Variants in ASH1L observed in about 807,000 individuals in gnomAD.
ASH1L encodes histone-lysine N-methyltransferase ASH1L.
Under a neutral mutation model 269.0 loss-of-function variants are expected in ASH1L, and 23 were observed. The ratio of observed to expected loss-of-function variants is 0.09; its 90% CI spans 0.06 to 0.12. The LOEUF is 0.12. Ranked by LOEUF, ASH1L falls within the 10% of genes least tolerant of loss-of-function variation. The pLI is 1.00. For synonymous variants in ASH1L, 1,187 were observed against 1,253.5 expected (o/e 0.95, Z 1.12); for missense variants, 2,912 against 3,567.8 (o/e 0.82, Z 4.68).
At chr1:155,488,443 A>G (rs1331425539) in intron 2 of ASH1L, among the ~76,000 whole-genome samples, 2 of 144,818 alleles carry the variant, frequency 1.4e-5, no homozygotes, top group African/African-American at 5.1e-5. Context: ...GCAGATCACG[A>G]GGTCAGGAGA....
At chr1:155,464,161 C>T (rs888491858) in intron 3 of ASH1L, among the ~76,000 whole-genome samples, 1 of 152,110 alleles carries the variant, frequency 6.6e-6, no homozygotes, top group African/African-American at 2.4e-5. Flanking sequence ...TTGCTCATGT[C>T]TCAAGAGTAG....
At chr1:155,404,676 A>C (rs905527270) in intron 6 of ASH1L, among the ~76,000 whole-genome samples, 1 of 151,748 alleles carries the variant, frequency 6.6e-6, no homozygotes, top group African/African-American at 2.4e-5. Context: ...AACTGGTGGG[A>C]AAAAAAAATC....
intron 17 of ASH1L, 128 bp downstream of exon 17, chr1:155,352,578 A>T: frequency 1.1e-6 from 1 of 937,140 alleles, no homozygotes; most frequent in Non-Finnish European, 1.5e-6. Context: ...GCCTAGACAG[A>T]AGGATCACTT....
chr1:155,338,527 C>G (rs908705428), intron 26 of ASH1L, 137 bp from the exon 27 acceptor site: 38 of 635,058 alleles, frequency 6.0e-5, no homozygotes, highest in Non-Finnish European at 9.2e-5. Context: ...ACTTGACTCT[C>G]GTTTTCACTT....
intron 3 of ASH1L, among the ~76,000 whole-genome samples, chr1:155,468,766 TA>T (rs1664878042): frequency 6.6e-6 from 1 of 152,132 alleles, no homozygotes; most frequent in Non-Finnish European, 1.5e-5. Context: ...CTTAAATTTA[TA>T]TATGGAAAAA....
intron 3 of ASH1L, among the ~76,000 whole-genome samples, chr1:155,474,779 C>T (rs1337755951): frequency 6.6e-6 from 1 of 152,172 alleles, no homozygotes; most frequent in Admixed American, 6.5e-5. Context: ...TGCATGTTAT[C>T]TCCAATCTCC....
At chr1:155,560,951 A>C (rs1200179193) in intron 1 of ASH1L, among the ~76,000 whole-genome samples, 3 of 151,858 alleles carry the variant, frequency 2.0e-5, no homozygotes, top group Admixed American at 6.6e-5. Flanking sequence ...AACCAGTCTT[A>C]TGTGCTCCTA....
At chr1:155,426,310 T>C (rs1661150373) in intron 5 of ASH1L, among the ~76,000 whole-genome samples, 1 of 151,936 alleles carries the variant, frequency 6.6e-6, no homozygotes. Context: ...GCTCAAGCAA[T>C]CCACCTGCCT....
rs1672036546 is a variant in ASH1L at position 155,562,221 on chromosome 1, G to C, written c.-168C>G. 1 of 1,609,330 alleles carries C rather than the reference G, an allele frequency of 6.2e-7. No homozygotes were observed. The highest frequency in any genetic ancestry group is 1.3e-5 in the African/African-American group (1 of 74,854). On this transcript the variant is annotated 5_prime_UTR_variant, in exon 1 of 28. Transcript: ENST00000392403. The stretch of plus-strand genomic sequence containing the variant: ...GGGAAGTGGGGAAGAGGGGGTGGCC[G>C]CCAGGCTCCTCCGCTTCCCTGGGTC...
chr1:155,555,182 ATTT>A (rs1421226408), intron 1 of ASH1L, among the ~76,000 whole-genome samples: 1 of 150,400 alleles, frequency 6.6e-6, no homozygotes, highest in Admixed American at 6.7e-5. Context: ...ACCTACAGTT[ATTT>A]GACTTTCTTC....
chr1:155,386,000 G>C (rs1657396138), intron 7 of ASH1L, among the ~76,000 whole-genome samples: 1 of 152,128 alleles, frequency 6.6e-6, no homozygotes, highest in African/African-American at 2.4e-5. Flanking sequence ...CATGGCAGTG[G>C]AGGGAGAGAC....
chr1:155,479,109 C>T lies in ASH1L; in HGVS notation c.3761G>A (p.Arg1254His), dbSNP rs377320289. The change falls in exon 3 of 28, where the codon CGC becomes CAC. Residue 1254 changes from arginine to histidine, a missense_variant. Physicochemically the swap from Arg to His is conservative, Grantham distance 29. Coordinates refer to ENST00000392403, the MANE Select transcript of ASH1L (RefSeq NM_018489.3). ...ATAGCTGAGGTAATCATGATTCCTG[C>T]GCTTACATTTGTGTTTATGTTTTTC... ...LKEKHKHKCK[R>H]RNHDYLSYDK... 15 of 1,613,946 alleles carry T rather than the reference C, an allele frequency of 9.3e-6. No homozygotes were observed. Among genetic ancestry groups the T allele is most frequent in the South Asian group, 3.3e-5 (3 of 91,062 alleles).
In ASH1L at chr1:155,478,007, G is replaced by A. The variant is rs759937289; in HGVS notation, c.4863C>T (p.Ser1621=). ...TGTCAGTTAATTTCTTCCGGCCACT[G>A]GAGTTAGGGTTTGAAACTCTGCAGC... The part of the protein sequence containing the change: ...IGSCRVSNPN[S]SGRKKLTDSP... The change falls in exon 3 of 28, where the codon TCC becomes TCT. Residue 1621 remains serine (S), a synonymous_variant. Coordinates refer to ENST00000392403, the MANE Select transcript of ASH1L (RefSeq NM_018489.3). The surrounding 1 kb of genome is among the most constrained non-coding windows in gnomAD (Gnocchi z 4.6). The A allele has an allele frequency of 3.7e-6, 6 of 1,614,248 alleles. No individual in the cohort carries two copies. Among genetic ancestry groups the A allele is most frequent in the Non-Finnish European group, 5.1e-6 (6 of 1,180,046 alleles).
At chr1:155,361,789 C>G (rs1654971772) in intron 12 of ASH1L, among the ~76,000 whole-genome samples, 1 of 147,420 alleles carries the variant, frequency 6.8e-6, no homozygotes, top group Non-Finnish European at 1.5e-5. Flanking sequence ...AGGAGAATGA[C>G]TTGAACCCCT....
rs574498434 is a variant in ASH1L at position 155,550,717 on chromosome 1, A to AT, written c.-100+11435dup. Among the ~76,000 whole-genome samples the AT allele has an allele frequency of 3.8e-3, 579 of 152,318 alleles. 2 individuals are homozygous for AT. Among genetic ancestry groups the AT allele is most frequent in the Non-Finnish European group, 6.2e-3 (424 of 68,032 alleles). The stretch of plus-strand genomic sequence containing the variant: ...ACATCTATCATCAAAATGCTAGGAC[A>AT]TATTTCCCATTTATTTAATATTGTC... On this transcript the variant is annotated intron_variant, in intron 1 of 27. Transcript: ENST00000392403.
intron 7 of ASH1L, among the ~76,000 whole-genome samples, chr1:155,392,032 G>A (rs1657972374): frequency 6.6e-6 from 1 of 152,124 alleles, no homozygotes; most frequent in African/African-American, 2.4e-5. Flanking sequence ...AGAGCAACCA[G>A]TTACTGTGGG....
chr1:155,532,983 A>T (rs115329961), intron 1 of ASH1L, among the ~76,000 whole-genome samples: 1,465 of 141,850 alleles, frequency 0.01, 24 homozygotes, highest in African/African-American at 0.038. Context: ...AGAGAGAGAG[A>T]GTGTGTGTGT....
chr1:155,485,773 C>T (rs1018809171), intron 2 of ASH1L, among the ~76,000 whole-genome samples: 3 of 152,098 alleles, frequency 2.0e-5, no homozygotes, highest in Non-Finnish European at 4.4e-5. Flanking sequence ...ACCTCAAGAC[C>T]GTGGTCTCTA....
At position 155,352,732 on chromosome 1, in the gene ASH1L, A is replaced by G; in HGVS notation, c.7340T>C (p.Ile2447Thr). Residue 2447 changes from isoleucine (I) to threonine (T), a missense_variant, in exon 17 of 28, where the codon ATT (isoleucine) becomes ACT (threonine). Coordinates refer to ENST00000392403, the MANE Select transcript of ASH1L (RefSeq NM_018489.3). ...AARLAQIFKE[I>T]CDGIISYKDS... ...TTTATAAGAGATGATACCATCACAA[A>G]TTTCTTTGAAGATCTGGGCTAGGCG... 6.2e-7 allele frequency: 1 copy of G among 1,610,460 alleles called. No homozygotes were observed. The highest frequency in any genetic ancestry group is 8.5e-7 in the Non-Finnish European group (1 of 1,179,010).
Sources: allele counts gnomAD v4.1 joint callset (sites outside exome capture counted in the v4.1 genomes callset), GRCh38; gene constraint gnomAD v4.1.1; non-coding constraint Gnocchi (gnomAD v3.1); transcripts MANE v1.5; gene names NCBI Gene and HGNC (gene_info 2026-07-23, HGNC 2026-07-21).